Variants in DACH1 observed in about 807,000 individuals in gnomAD.
DACH1 encodes the protein dachshund family transcription factor 1, also known as dachshund homolog 1.
In DACH1, 12 loss-of-function variants were observed where a neutral mutation model predicts 54.2. That is an observed-to-expected ratio of 0.22 (90% CI 0.14 to 0.36). The LOEUF is 0.36. DACH1 is among the 10% of genes least tolerant of loss of function. DACH1 has a pLI of 1.00. For missense variants in DACH1, 805 were observed against 929.8 expected (o/e 0.87, Z 1.75); for synonymous variants, 386 against 366.2 (o/e 1.05, Z -0.62).
At chr13:71,472,575 T>C (rs1356450026) in intron 10 of DACH1, among the ~76,000 whole-genome samples, 1 of 152,106 alleles carries the variant, frequency 6.6e-6, no homozygotes, top group Non-Finnish European at 1.5e-5. Flanking sequence ...ATAAATTGAG[T>C]TTACTTTGGA....
intron 1 of DACH1, among the ~76,000 whole-genome samples, chr13:71,734,770 A>G (rs537424884): frequency 0.012 from 63 of 5,410 alleles, no homozygotes; most frequent in African/African-American, 0.017. Flanking sequence ...CCATATACGT[A>G]TACCCCATAT....
chr13:71,513,552 T>A (rs1880939820), intron 6 of DACH1, among the ~76,000 whole-genome samples: 1 of 152,080 alleles, frequency 6.6e-6, no homozygotes, highest in South Asian at 2.1e-4. Flanking sequence ...AGTATATTAC[T>A]GTACCATGCT....
chr13:71,859,364 C>A (rs1363426097), intron 1 of DACH1, among the ~76,000 whole-genome samples: 2 of 151,716 alleles, frequency 1.3e-5, no homozygotes, highest in African/African-American at 4.8e-5. Flanking sequence ...GCATTTGGTT[C>A]AAGGTCCTTG....
intron 1 of DACH1, among the ~76,000 whole-genome samples, chr13:71,822,367 T>C (rs1388073457): frequency 6.6e-6 from 1 of 152,188 alleles, no homozygotes; most frequent in East Asian, 1.9e-4. Flanking sequence ...AAATGAAGTA[T>C]GTCTTTATTT....
intron 6 of DACH1, among the ~76,000 whole-genome samples, chr13:71,514,914 G>C (rs1881045435): frequency 6.6e-6 from 1 of 151,872 alleles, no homozygotes; most frequent in South Asian, 2.1e-4. Context: ...TGCATTTGAT[G>C]CTTAGTCCTT....
chr13:71,855,691 T>C (rs1000311010), intron 1 of DACH1, among the ~76,000 whole-genome samples: 1 of 151,974 alleles, frequency 6.6e-6, no homozygotes, highest in Non-Finnish European at 1.5e-5. Context: ...TTATTAGTAG[T>C]AGCAAAAGCA....
chr13:71,748,452 GA>G (rs1340667170), intron 1 of DACH1, among the ~76,000 whole-genome samples: 1 of 152,160 alleles, frequency 6.6e-6, no homozygotes, highest in Non-Finnish European at 1.5e-5. Context: ...TTTAAAAAGA[GA>G]AATCAATTTA....
intron 2 of DACH1, among the ~76,000 whole-genome samples, chr13:71,656,831 CAGAT>C (rs1257002089): frequency 1.0e-4 from 15 of 145,252 alleles, no homozygotes; most frequent in African/African-American, 2.5e-4. Flanking sequence ...GATAGATAGA[CAGAT>C]AGATTGATAG....
At chr13:71,616,812 T>C (rs756664113) in intron 3 of DACH1, among the ~76,000 whole-genome samples, 74 of 151,284 alleles carry the variant, frequency 4.9e-4, no homozygotes, top group Non-Finnish European at 8.5e-4. Context: ...TATATATACA[T>C]AGAAAGAGAG....
chr13:71,504,521 G>A (rs937019155), intron 6 of DACH1, among the ~76,000 whole-genome samples: 10 of 152,144 alleles, frequency 6.6e-5, no homozygotes, highest in Non-Finnish European at 1.2e-4. Flanking sequence ...AGGAGGAACT[G>A]AGGAAAGGCA....
intron 1 of DACH1, among the ~76,000 whole-genome samples, chr13:71,835,685 G>T (rs1888755730): frequency 6.6e-6 from 1 of 151,896 alleles, no homozygotes; most frequent in Non-Finnish European, 1.5e-5. Context: ...TAGTAATATT[G>T]TTTCTGTTTA....
In DACH1 at chr13:71,661,406, G is replaced by A. The variant is rs75946033; in HGVS notation, c.964+20389C>T. Among the ~76,000 whole-genome samples, 680 of 151,874 alleles carry A rather than the reference G, an allele frequency of 4.5e-3. 4 individuals carry two copies. The highest frequency in any genetic ancestry group is 0.024 in the East Asian group (124 of 5,142). Reference sequence around the variant, plus strand: ...AAGAACATGATTTACTATGTTCTGGGATATTACAACATTTTCTATACAATG... The same window carrying A: ...AAGAACATGATTTACTATGTTCTGGAATATTACAACATTTTCTATACAATG... On this transcript the variant is annotated intron_variant, in intron 2 of 10. Transcript: ENST00000613252.
At chr13:71,773,975 TA>T (rs560299450) in intron 1 of DACH1, among the ~76,000 whole-genome samples, 446 of 142,300 alleles carry the variant, frequency 3.1e-3, no homozygotes, top group East Asian at 0.013. Flanking sequence ...ATTGCCTGTT[TA>T]AAAAAAAAAA....
In DACH1 at chr13:71,628,427, C is replaced by A. The variant is rs563915223; in HGVS notation, c.1126+2129G>T. ...AATGATAACATCTTTTTGCCCAAAT[C>A]AGCTACAGATATCTAATATAAATGA... On this transcript the variant is annotated intron_variant, in intron 3 of 10. Coordinates refer to ENST00000613252, the MANE Select transcript of DACH1 (RefSeq NM_080759.6). Among the ~76,000 whole-genome samples the A allele has an allele frequency of 4.6e-5, 7 of 152,132 alleles. No individual in the cohort carries two copies. The East Asian group carries it at 1.4e-3, about 29-fold the overall frequency.
At chr13:71,767,445 A>T (rs548992253) in intron 1 of DACH1, among the ~76,000 whole-genome samples, 5 of 152,190 alleles carry the variant, frequency 3.3e-5, no homozygotes, top group Non-Finnish European at 5.9e-5. Flanking sequence ...CTTTGGGGAG[A>T]ATCATACACT....
intron 3 of DACH1, among the ~76,000 whole-genome samples, chr13:71,584,341 G>A (rs567914658): frequency 2.0e-5 from 3 of 152,258 alleles, no homozygotes; most frequent in South Asian, 4.1e-4. Flanking sequence ...AGCTTCCTAT[G>A]AAGAGTTGCT....
chr13:71,838,806 A>G (rs1392891243), intron 1 of DACH1, among the ~76,000 whole-genome samples: 1 of 152,236 alleles, frequency 6.6e-6, no homozygotes, highest in Non-Finnish European at 1.5e-5. Flanking sequence ...TGAATCAGCC[A>G]GCACACTCTG....
intron 4 of DACH1, among the ~76,000 whole-genome samples, 178 bp from the exon 5 acceptor site, chr13:71,560,133 G>T (rs1315516522): frequency 6.6e-6 from 1 of 152,132 alleles, no homozygotes; most frequent in African/African-American, 2.4e-5. Flanking sequence ...AAATAAAGTA[G>T]AAAAAGATGG....
At chr13:71,507,111 G>C (rs1481850403) in intron 6 of DACH1, among the ~76,000 whole-genome samples, 5 of 151,810 alleles carry the variant, frequency 3.3e-5, no homozygotes, top group Non-Finnish European at 7.4e-5. Flanking sequence ...CCATCAGAGT[G>C]AACAGGCAAC....
Sources: gnomAD v4.1 joint callset for allele counts (sites outside exome capture counted in the v4.1 genomes callset) on GRCh38, gnomAD v4.1.1 for gene constraint, MANE v1.5 for transcripts, NCBI Gene and HGNC (gene_info 2026-07-23, HGNC 2026-07-21) for gene names.